GRM4: variants seen among roughly 807,000 people sequenced by gnomAD.
The protein encoded by GRM4 is metabotropic glutamate receptor 4.
GRM4 carries 28 observed loss-of-function variants against 81.7 expected under a neutral mutation model. The ratio of observed to expected loss-of-function variants is 0.34; its 90% CI spans 0.25 to 0.47. GRM4 has a LOEUF of 0.47. Ranked by LOEUF, GRM4 falls within the 20% of genes least tolerant of loss-of-function variation. The probability of loss-of-function intolerance (pLI) is 1.00; values close to 1 mark genes in which losing one functional copy is unlikely to be tolerated. For missense variants in GRM4, 948 were observed against 1,290.0 expected, an observed-to-expected ratio of 0.73 and a Z score of 4.06; for synonymous variants, 488 against 528.8, an observed-to-expected ratio of 0.92 and a Z score of 1.06.
intron 6 of GRM4, among the ~76,000 whole-genome samples, chr6:34,044,643 C>A (rs531217388): frequency 4.7e-5 from 7 of 149,776 alleles, no homozygotes; most frequent in East Asian, 4.0e-4. Flanking sequence ...GACACACACA[C>A]ATATACATAC....
intron 3 of GRM4, among the ~76,000 whole-genome samples, chr6:34,086,103 T>C (rs1767874229): frequency 6.6e-6 from 1 of 152,172 alleles, no homozygotes; most frequent in African/African-American, 2.4e-5. Flanking sequence ...TTAATGTGAG[T>C]GGGGCCAGCC....
At chr6:34,143,247 C>T (rs1208451243) in intron 1 of GRM4, among the ~76,000 whole-genome samples, 8 of 152,186 alleles carry the variant, frequency 5.3e-5, no homozygotes, top group Non-Finnish European at 8.8e-5. Flanking sequence ...GCGGACATCA[C>T]GCCCAGCCCA....
rs755075834 is a variant in GRM4 at position 34,121,958 on chromosome 6, G to A, written c.519+11020C>T. Among the ~76,000 whole-genome samples, 11 of 152,042 alleles carry A rather than the reference G, an allele frequency of 7.2e-5. No individual in the cohort carries two copies. The highest frequency in any genetic ancestry group is 6.8e-3 in the Middle Eastern group (2 of 294). On this transcript the variant is annotated intron_variant, in intron 2 of 10. Coordinates refer to ENST00000538487, the MANE Select transcript of GRM4 (RefSeq NM_000841.4). The surrounding 1 kb of genome is among the most constrained non-coding windows in gnomAD (Gnocchi z 4.6). The stretch of plus-strand genomic sequence containing the variant: ...GTGGGATTGAGGGGCACCCTGAGTC[G>A]GAGGGAGGGGTCTGGGTGGGGCGGG...
Position 34,022,505 on chromosome 6 carries a change from A to C in GRM4, c.*316T>G, listed in dbSNP as rs577530690. The C allele has an allele frequency of 3.6e-5, 15 of 417,474 alleles. No individual in the cohort carries two copies. In the East Asian group the frequency reaches 6.7e-4, roughly 19 times the overall value. 25.9% of individuals were successfully genotyped at this position (417,474 alleles called of 1,614,324 possible). A position where few individuals can be genotyped will look rare whatever the true frequency, so the allele number is the denominator to read the frequency against. On this transcript the variant is annotated 3_prime_UTR_variant, in exon 11 of 11. Transcript: ENST00000538487. This position sits in a 1 kb window ranked among gnomAD's most constrained non-coding sequence, Gnocchi z 5.6. ...GTCGCCAACAGCACAGACAGAGACG[A>C]AGGGAGGGAGAGATCTAGCACTGGG...
chr6:34,024,823 G>T, intron 10 of GRM4: 1 of 450,972 alleles, frequency 2.2e-6, no homozygotes, highest in South Asian at 1.6e-5. Context: ...GAAGAAAATG[G>T]TGCCACAACA....
upstream of GRM4, among the ~76,000 whole-genome samples, chr6:34,150,091 G>A (rs1233447758): frequency 3.3e-5 from 5 of 152,134 alleles, no homozygotes; most frequent in Middle Eastern, 6.3e-3. Flanking sequence ...GGCCCCAAGG[G>A]TCTCAGATAA....
rs1247223984 is a variant in GRM4 at position 34,064,582 on chromosome 6, C to T, written c.737-2554G>A. ...GTGTTGCTGCCCCCAGGATGAGAAA[C>T]CAAGTGCCCGTGGGTTCCCTCTGTT... On this transcript the variant is annotated intron_variant, in intron 3 of 10. Coordinates refer to ENST00000538487, the MANE Select transcript of GRM4 (RefSeq NM_000841.4). This position sits in a 1 kb window ranked among gnomAD's most constrained non-coding sequence, Gnocchi z 4.4. Among the ~76,000 whole-genome samples, 1 of 152,194 alleles carries T rather than the reference C, an allele frequency of 6.6e-6. No homozygotes were observed. The highest frequency in any genetic ancestry group is 1.9e-4 in the East Asian group (1 of 5,188).
rs981131769 is a variant in GRM4 at position 34,034,576 on chromosome 6, T to C, written c.2442+1092A>G. ...AAAAGCCAATGTCATTGCCACCATC[T>C]GGCCTGTCACCTCTCTGATCTCGTT... On this transcript the variant is annotated intron_variant, in intron 9 of 10. Coordinates refer to ENST00000538487, the MANE Select transcript of GRM4 (RefSeq NM_000841.4). The surrounding 1 kb of genome is among the most constrained non-coding windows in gnomAD (Gnocchi z 4.0). Among the ~76,000 whole-genome samples, 1 of 152,248 alleles carries C rather than the reference T, an allele frequency of 6.6e-6. No homozygotes were observed. Among genetic ancestry groups the C allele is most frequent in the Admixed American group, 6.5e-5 (1 of 15,284 alleles).
rs1769392288 is a variant in GRM4 at position 34,111,783 on chromosome 6, G to GC, written c.520-19685dup. On this transcript the variant is annotated intron_variant, in intron 2 of 10. Transcript: ENST00000538487. The surrounding 1 kb of genome is among the most constrained non-coding windows in gnomAD (Gnocchi z 5.1). ...ACCAGCTTGGGGATGCCCAGAGGCT[G>GC]CCCCCCGGGACACCATGGGCTGATG... Among the ~76,000 whole-genome samples, 1 of 152,172 alleles carries GC rather than the reference G, an allele frequency of 6.6e-6. No homozygotes were observed. Among genetic ancestry groups the GC allele is most frequent in the Non-Finnish European group, 1.5e-5 (1 of 68,012 alleles).
chr6:34,122,728 TTGTC>T (rs370079388), intron 2 of GRM4, among the ~76,000 whole-genome samples: 5,092 of 150,678 alleles, frequency 0.034, 125 homozygotes, highest in African/African-American at 0.066. Context: ...CTTCCCCGGT[TTGTC>T]TGTCTGTCTG....
At position 34,091,914 on chromosome 6, in the gene GRM4, C is replaced by G. The variant is rs1338082058; in HGVS notation, c.705G>C (p.Val235=). 6.2e-7 allele frequency: 1 copy of G among 1,613,920 alleles called. No homozygotes were observed. Among genetic ancestry groups the G allele is most frequent in the Admixed American group, 1.7e-5 (1 of 60,020 alleles). Residue 235 remains valine (V), a synonymous_variant, in exon 3 of 11, where the codon GTG becomes GTC. Transcript: ENST00000538487. The part of the protein sequence containing the change: ...ASEGSYGESG[V]EAFIQKSRED... ...CACGGGACTTCTGGATGAAGGCCTC[C>G]ACACCGCTCTCACCATAGCTGCCCT...
intron 3 of GRM4, among the ~76,000 whole-genome samples, chr6:34,076,271 C>G (rs1767307581): frequency 6.6e-6 from 1 of 152,190 alleles, no homozygotes; most frequent in Non-Finnish European, 1.5e-5. Flanking sequence ...TGCCCCCTCC[C>G]ACCCACCCCA....
chr6:34,040,850 C>A, intron 6 of GRM4, 102 bp from the exon 7 acceptor site: 1 of 958,608 alleles, frequency 1.0e-6, no homozygotes, highest in East Asian at 2.4e-5. Context: ...AGAAGTGGCA[C>A]GGCCCATCTG....
At position 34,130,439 on chromosome 6, in the gene GRM4, C is replaced by A. The variant is rs1770190243; in HGVS notation, c.519+2539G>T. On this transcript the variant is annotated intron_variant, in intron 2 of 10. Coordinates refer to ENST00000538487, the MANE Select transcript of GRM4 (RefSeq NM_000841.4). The surrounding 1 kb of genome is among the most constrained non-coding windows in gnomAD (Gnocchi z 4.1). The stretch of plus-strand genomic sequence containing the variant: ...TCCTGTGTTCTGAGGAGGCACAGAC[C>A]AAACTGAGACCACACCATGCTCCTC... 6.6e-6 allele frequency among the ~76,000 whole-genome samples: 1 copy of A among 152,160 alleles called. No individual in the cohort carries two copies. The highest frequency in any genetic ancestry group is 2.4e-5 in the African/African-American group (1 of 41,428).
Position 34,070,062 on chromosome 6 carries a change from CG to C in GRM4, c.737-8035del, listed in dbSNP as rs1362917514. 1.2e-4 allele frequency among the ~76,000 whole-genome samples: 19 copies of C among 152,162 alleles called. No homozygotes were observed. Among genetic ancestry groups the C allele is most frequent in the African/African-American group, 4.3e-4 (18 of 41,444 alleles). On this transcript the variant is annotated intron_variant, in intron 3 of 10. Transcript: ENST00000538487. The surrounding 1 kb of genome is among the most constrained non-coding windows in gnomAD (Gnocchi z 4.6). ...CTGACGGGGTTTTGAAGGGACAGCT[CG>C]GCAGGAGCTGCCAGCATGGGCGTGA... is the stretch of plus-strand genomic sequence containing the variant.
At chr6:34,056,778 C>A (rs1765918692) in intron 5 of GRM4, 94 bp from the exon 6 acceptor site, 1 of 1,389,128 alleles carries the variant, frequency 7.2e-7, no homozygotes, top group Non-Finnish European at 9.8e-7. Flanking sequence ...ATGGTCCAGG[C>A]GGAGGGAGAG....
chr6:34,087,709 C>A (rs1243798216), intron 3 of GRM4, among the ~76,000 whole-genome samples: 4 of 124,084 alleles, frequency 3.2e-5, no homozygotes, highest in Admixed American at 7.8e-5. Flanking sequence ...ACCCCCCCCC[C>A]ACACACACAC....
chr6:34,062,205 G>T, intron 3 of GRM4, 177 bp from the exon 4 acceptor site: 1 of 559,014 alleles, frequency 1.8e-6, no homozygotes, highest in Non-Finnish European at 3.1e-6. Context: ...CAGCTTCAGT[G>T]CCAGTCTTGG....
intron 3 of GRM4, chr6:34,091,459 A>G: frequency 5.4e-6 from 1 of 185,558 alleles, no homozygotes; most frequent in Admixed American, 5.7e-5. Context: ...CACCCCCACC[A>G]CAGACAGGTT....
Sources: allele counts gnomAD v4.1 joint callset (sites outside exome capture counted in the v4.1 genomes callset), GRCh38; gene constraint gnomAD v4.1.1; non-coding constraint Gnocchi (gnomAD v3.1); transcripts MANE v1.5; gene names NCBI Gene and HGNC (gene_info 2026-07-23, HGNC 2026-07-21).